The following STOM variants were observed in gnomAD, a reference collection of about 807,000 sequenced individuals.
STOM encodes the protein erythrocyte band 7 integral membrane protein.
Under a neutral mutation model 30.6 loss-of-function variants are expected in STOM, and 25 were observed. That is an observed-to-expected ratio of 0.82 (90% CI 0.60 to 1.14). The LOEUF (loss-of-function observed/expected upper bound fraction) is 1.14, where lower values mean the gene tolerates loss of function less well. STOM is among the 50% of genes most tolerant of loss of function. The pLI is 0.00. For missense variants in STOM, 292 were observed against 365.2 expected, an observed-to-expected ratio of 0.80 and a Z score of 1.63; for synonymous variants, 118 against 130.8, an observed-to-expected ratio of 0.90 and a Z score of 0.67.
chr9:121,357,550 C>T (rs968470879), intron 1 of STOM, among the ~76,000 whole-genome samples: 1 of 151,216 alleles, frequency 6.6e-6, no homozygotes, highest in Non-Finnish European at 1.5e-5. Context: ...TGCGATTCTC[C>T]CGTCTCAATC....
At chr9:121,359,823 T>C (rs1461724974) in intron 1 of STOM, among the ~76,000 whole-genome samples, 1 of 152,210 alleles carries the variant, frequency 6.6e-6, no homozygotes, top group Non-Finnish European at 1.5e-5. Flanking sequence ...TTGAGCACTT[T>C]CTCAAGACAG....
At position 121,349,302 on chromosome 9, in the gene STOM, T is replaced by A. The variant is rs2064318054; in HGVS notation, c.343A>T (p.Thr115Ser). The A allele has an allele frequency of 3.1e-6, 5 of 1,613,988 alleles. No individual in the cohort carries two copies. The highest frequency in any genetic ancestry group is 4.2e-6 in the Non-Finnish European group (5 of 1,179,974). The change falls in exon 5 of 7, where the codon ACA becomes TCA. Residue 115 changes from threonine to serine, a missense_variant. By Grantham distance (58) the Thr-to-Ser change is moderately conservative. Transcript: ENST00000286713. Reference sequence around the variant, plus strand: ...TAGACCACACCATCCACGCTAATTGTCACTGAATCCTTTGTGAGGATCTAC... The same window carrying A: ...TAGACCACACCATCCACGCTAATTGACACTGAATCCTTTGTGAGGATCTAC... ...PQEILTKDSV[T>S]ISVDGVVYYR...
At chr9:121,357,437 A>ATATATATATATATT (rs1318433915) in intron 1 of STOM, among the ~76,000 whole-genome samples, 70 of 91,038 alleles carry the variant, frequency 7.7e-4, no homozygotes, top group South Asian at 1.9e-3. Context: ...ATATATATAT[A>ATATATATATATATT]TATTTATTTA....
At chr9:121,344,348 C>T (rs527634329) in intron 6 of STOM, among the ~76,000 whole-genome samples, 4 of 152,266 alleles carry the variant, frequency 2.6e-5, no homozygotes, top group South Asian at 2.1e-4. Flanking sequence ...TCCAATTAGG[C>T]ACTTTTTTCT....
intron 1 of STOM, chr9:121,369,874 T>C (rs1237209841): frequency 2.3e-5 from 11 of 480,998 alleles, no homozygotes; most frequent in Admixed American, 9.7e-5. Context: ...GCTTGGCATC[T>C]GGCGGCCGCG....
At chr9:121,353,185 C>G in intron 4 of STOM, 35 bp downstream of exon 4, 1 of 1,335,436 alleles carries the variant, frequency 7.5e-7, no homozygotes, top group Non-Finnish European at 1.1e-6. Flanking sequence ...AGCACTTTCA[C>G]ATATGATACC....
chr9:121,356,788 G>A lies in STOM; in HGVS notation c.62-632C>T, dbSNP rs533294716. The stretch of plus-strand genomic sequence containing the variant: ...ACTTGAGGTCAAGAGTTCAAGACCA[G>A]CCTGATCAACATGATAAAACCCCGT... On this transcript the variant is annotated intron_variant, in intron 1 of 6. Coordinates refer to ENST00000286713, the MANE Select transcript of STOM (RefSeq NM_004099.6). Among the ~76,000 whole-genome samples the A allele has an allele frequency of 2.0e-5, 3 of 152,226 alleles. No homozygotes were observed. The East Asian group carries it at 5.8e-4, about 29-fold the overall frequency.
intron 6 of STOM, among the ~76,000 whole-genome samples, chr9:121,345,390 T>A (rs114346015): frequency 7.4e-4 from 112 of 152,340 alleles, no homozygotes; most frequent in African/African-American, 2.5e-3. Context: ...CCGCTTATAA[T>A]GTGAATTTGC....
chr9:121,347,376 A>G (rs1039953864), intron 6 of STOM, among the ~76,000 whole-genome samples: 1 of 152,224 alleles, frequency 6.6e-6, no homozygotes, highest in Admixed American at 6.5e-5. Flanking sequence ...AGTGCCTCCC[A>G]GAGGGGCCAT....
At position 121,355,889 on chromosome 9, in the gene STOM, ATAGG is replaced by A. The variant is rs373944795; in HGVS notation, c.165+160_165+163del. On this transcript the variant is annotated intron_variant, in intron 2 of 6. Transcript: ENST00000286713. ...AAAGAAGTTTTAAGGTTCCATTTTA[ATAGG>A]TGGGTAGAAGAATAAATTTTCCAAA... Among the ~76,000 whole-genome samples the A allele has an allele frequency of 3.2e-4, 48 of 152,318 alleles. 1 individual carries two copies. In the South Asian group the frequency reaches 9.1e-3, roughly 29 times the overall value.
At position 121,347,998 on chromosome 9, in the gene STOM, T is replaced by C; in HGVS notation, c.660+17A>G. ...GAGAAAACTCAGTAAGAAAAACAAG[T>C]TTAAAAAAAAAGTTACCTTGGCGCG... On this transcript the variant is annotated intron_variant, in intron 6 of 6. Transcript: ENST00000286713. 6 of 1,587,608 alleles carry C rather than the reference T, an allele frequency of 3.8e-6. No homozygotes were observed. Among genetic ancestry groups the C allele is most frequent in the Middle Eastern group, 1.8e-4 (1 of 5,602 alleles).
intron 4 of STOM, among the ~76,000 whole-genome samples, chr9:121,351,672 G>A (rs550381978): frequency 9.2e-5 from 14 of 152,342 alleles, no homozygotes; most frequent in South Asian, 8.3e-4. Flanking sequence ...GCATGGAGCT[G>A]TGGAAAAAAC....
At chr9:121,359,368 G>A (rs930758730) in intron 1 of STOM, among the ~76,000 whole-genome samples, 1 of 152,176 alleles carries the variant, frequency 6.6e-6, no homozygotes, top group Non-Finnish European at 1.5e-5. Flanking sequence ...CTGATCCTGT[G>A]TTATAGTGTG....
Position 121,340,816 on chromosome 9 carries a change from G to GT in STOM, c.*385dup, listed in dbSNP as rs2064239614. 7.5e-6 allele frequency: 8 copies of GT among 1,061,698 alleles called. No homozygotes were observed. Among genetic ancestry groups the GT allele is most frequent in the Non-Finnish European group, 8.0e-6 (7 of 874,974 alleles). The allele number at this position is 1,061,698 out of a possible 1,614,324, so 65.8% of individuals were successfully genotyped here. On this transcript the variant is annotated 3_prime_UTR_variant, in exon 7 of 7. Transcript: ENST00000286713. Reference sequence around the variant, plus strand: ...ATGACCTGGAGAAGCTGGTTGTGGTGTAAGGTCATCACTTTCTGCAAAGCA... The same window carrying GT: ...ATGACCTGGAGAAGCTGGTTGTGGTGTTAAGGTCATCACTTTCTGCAAAGCA...
At chr9:121,351,442 G>T (rs1411959013) in intron 4 of STOM, among the ~76,000 whole-genome samples, 1 of 152,214 alleles carries the variant, frequency 6.6e-6, no homozygotes, top group East Asian at 1.9e-4. Context: ...CTGGTTTCTG[G>T]TATTTGTGAC....
chr9:121,348,371 A>G (rs908765641), intron 5 of STOM, among the ~76,000 whole-genome samples: 1 of 152,226 alleles, frequency 6.6e-6, no homozygotes, highest in Non-Finnish European at 1.5e-5. Context: ...TAAAAGGGCC[A>G]TATAGTGATT....
At chr9:121,367,833 G>A (rs898164121) in intron 1 of STOM, among the ~76,000 whole-genome samples, 1 of 152,194 alleles carries the variant, frequency 6.6e-6, no homozygotes, top group African/African-American at 2.4e-5. Context: ...GTAAAGTACT[G>A]AAGTTAGACA....
chr9:121,366,811 C>T (rs1162872811), intron 1 of STOM, among the ~76,000 whole-genome samples: 5 of 152,032 alleles, frequency 3.3e-5, no homozygotes, highest in Admixed American at 2.6e-4. Context: ...GGTCTAAAGG[C>T]CAGGCTTGGT....
chr9:121,345,316 C>T (rs1333181398), intron 6 of STOM, among the ~76,000 whole-genome samples: 1 of 152,188 alleles, frequency 6.6e-6, no homozygotes, highest in South Asian at 2.1e-4. Flanking sequence ...TAGTTCCTCT[C>T]TCACCCACAC....
Sources: gnomAD v4.1 joint callset for allele counts (sites outside exome capture counted in the v4.1 genomes callset) on GRCh38, gnomAD v4.1.1 for gene constraint, MANE v1.5 for transcripts, NCBI Gene and HGNC (gene_info 2026-07-23, HGNC 2026-07-21) for gene names.